DNAJC7: variants seen among roughly 807,000 people sequenced by gnomAD.
DNAJC7 encodes the protein dnaJ homolog subfamily C member 7.
In DNAJC7, 18 loss-of-function variants were observed where a neutral mutation model predicts 67.4. That is an observed-to-expected ratio of 0.27 (90% CI 0.18 to 0.40). The LOEUF is 0.40. Ranked by LOEUF, DNAJC7 falls within the 10% of genes least tolerant of loss-of-function variation. DNAJC7 has a pLI of 1.00. For synonymous variants in DNAJC7, 220 were observed against 207.8 expected, an observed-to-expected ratio of 1.06 and a Z score of -0.50; for missense variants, 419 against 613.8, an observed-to-expected ratio of 0.68 and a Z score of 3.35.
chr17:42,012,037 A>G (rs78463825), intron 1 of DNAJC7, among the ~76,000 whole-genome samples: 1,583 of 152,376 alleles, frequency 0.01, 10 homozygotes, highest in Non-Finnish European at 0.016. Flanking sequence ...ATTTGTGCCC[A>G]TCAGGAAAAC....
rs57155070 is a variant in DNAJC7 at position 42,006,796 on chromosome 17, CA to C, written c.78-6227del. Among the ~76,000 whole-genome samples, 37 of 23,330 alleles carry C rather than the reference CA, an allele frequency of 1.6e-3. 1 individual carries two copies. The highest frequency in any genetic ancestry group is 6.3e-3 in the African/African-American group (30 of 4,790). 15.3% of individuals were successfully genotyped at this position (23,330 alleles called of 152,430 possible). A position where few individuals can be genotyped will look rare whatever the true frequency, so the allele number is the denominator to read the frequency against. Reference sequence around the variant, plus strand: ...TGGGCAACAGAGCAAGACTCCGTCTCAAAAAAAAAAAAAAAAAAAAAAGTCC... The same window carrying C: ...TGGGCAACAGAGCAAGACTCCGTCTCAAAAAAAAAAAAAAAAAAAAAGTCC... On this transcript the variant is annotated intron_variant, in intron 1 of 13. Coordinates refer to ENST00000457167, the MANE Select transcript of DNAJC7 (RefSeq NM_003315.4).
intron 10 of DNAJC7, 68 bp downstream of exon 10, chr17:41,983,495 C>A: frequency 7.3e-7 from 1 of 1,377,454 alleles, no homozygotes; most frequent in Middle Eastern, 2.0e-4. Flanking sequence ...ATCAAACTAC[C>A]TTGTGTACAG....
intron 1 of DNAJC7, among the ~76,000 whole-genome samples, chr17:42,007,043 G>A (rs56076813): frequency 6.0e-4 from 90 of 151,040 alleles, no homozygotes; most frequent in African/African-American, 2.1e-3. Flanking sequence ...TGGAGCTTGC[G>A]GTGAGCTGAC....
intron 1 of DNAJC7, among the ~76,000 whole-genome samples, chr17:42,001,710 G>C (rs1480532635): frequency 1.3e-5 from 2 of 152,188 alleles, no homozygotes; most frequent in African/African-American, 4.8e-5. Context: ...CCTTGGTGAT[G>C]GTACAGCAAT....
At chr17:41,998,918 G>A in intron 2 of DNAJC7, among the ~76,000 whole-genome samples, 1 of 152,084 alleles carries the variant, frequency 6.6e-6, no homozygotes, top group Non-Finnish European at 1.5e-5. Context: ...GGGGATGGTG[G>A]CACATCCCTG....
chr17:41,989,296 G>T, intron 7 of DNAJC7, 108 bp downstream of exon 7: 1 of 1,422,912 alleles, frequency 7.0e-7, no homozygotes, highest in Non-Finnish European at 9.5e-7. Flanking sequence ...TGCAAAGCAG[G>T]AGGAAAAGCT....
intron 1 of DNAJC7, among the ~76,000 whole-genome samples, chr17:42,004,369 A>G (rs183276514): frequency 3.9e-5 from 6 of 152,292 alleles, no homozygotes; most frequent in South Asian, 2.1e-4. Flanking sequence ...CCTAAGTCCT[A>G]GAAGTTTATG....
intron 1 of DNAJC7, among the ~76,000 whole-genome samples, chr17:42,008,320 A>G (rs1409224867): frequency 3.3e-5 from 5 of 151,778 alleles, no homozygotes; most frequent in Non-Finnish European, 7.4e-5. Flanking sequence ...AAAAAAGAAA[A>G]AAAAAAAAAT....
At chr17:42,005,759 G>A (rs1241766651) in intron 1 of DNAJC7, among the ~76,000 whole-genome samples, 1 of 150,774 alleles carries the variant, frequency 6.6e-6, no homozygotes, top group Non-Finnish European at 1.5e-5. Context: ...CTTTTTTTTT[G>A]AGACGAAGTC....
Position 41,996,343 on chromosome 17 carries a change from G to A in DNAJC7, c.373C>T (p.Leu125=). ...ACRSFQRALE[L]DHKNAQAQQE... The stretch of plus-strand genomic sequence containing the variant: ...TGTGCCTGAGCATTTTTATGATCCA[G>A]TTCTAGGGCTCTCTGGAAGCTGCGA... The change falls in exon 4 of 14, where the codon CTG becomes TTG. Residue 125 remains leucine, a synonymous_variant. Transcript: ENST00000457167. 6.2e-7 allele frequency: 1 copy of A among 1,613,956 alleles called. No homozygotes were observed. Among genetic ancestry groups the A allele is most frequent in the Non-Finnish European group, 8.5e-7 (1 of 1,179,902 alleles).
chr17:42,010,314 T>A (rs2143341537), intron 1 of DNAJC7, among the ~76,000 whole-genome samples: 1 of 107,992 alleles, frequency 9.3e-6, no homozygotes, highest in South Asian at 3.6e-4. Flanking sequence ...AGAAACCCTG[T>A]CTCTACAAAA....
At chr17:41,977,136 C>T in intron 13 of DNAJC7, 125 bp downstream of exon 13, 1 of 963,090 alleles carries the variant, frequency 1.0e-6, no homozygotes, top group East Asian at 2.6e-5. Context: ...GGATAGATGC[C>T]CTGCTAGATG....
chr17:41,998,003 C>T (rs1019291252), intron 2 of DNAJC7, among the ~76,000 whole-genome samples: 2 of 152,188 alleles, frequency 1.3e-5, no homozygotes, highest in African/African-American at 4.8e-5. Flanking sequence ...GCTGGGACCA[C>T]AGGCACACGC....
At chr17:42,009,276 C>G (rs1295519667) in intron 1 of DNAJC7, among the ~76,000 whole-genome samples, 1 of 152,148 alleles carries the variant, frequency 6.6e-6, no homozygotes, top group African/African-American at 2.4e-5. Flanking sequence ...AAATTGTCCT[C>G]TGGGTGGACA....
At chr17:41,976,899 A>C (rs2051096919) in intron 13 of DNAJC7, 129 bp from the exon 14 acceptor site, 2 of 1,204,592 alleles carry the variant, frequency 1.7e-6, no homozygotes, top group Admixed American at 2.7e-5. Flanking sequence ...ATGGGTATCA[A>C]ACAGCTCAGG....
chr17:41,990,792 G>A (rs2051494458), intron 5 of DNAJC7, among the ~76,000 whole-genome samples: 2 of 151,292 alleles, frequency 1.3e-5, no homozygotes, highest in Non-Finnish European at 2.9e-5. Flanking sequence ...TCAGCCTCCC[G>A]AGTAGCTGGG....
At chr17:42,005,198 C>A (rs1414994636) in intron 1 of DNAJC7, among the ~76,000 whole-genome samples, 1 of 152,188 alleles carries the variant, frequency 6.6e-6, no homozygotes, top group African/African-American at 2.4e-5. Context: ...CTAAGGGAAT[C>A]ATTTGGTATC....
intron 1 of DNAJC7, among the ~76,000 whole-genome samples, chr17:42,002,907 TC>T (rs1422302310): frequency 6.6e-6 from 1 of 152,196 alleles, no homozygotes; most frequent in Non-Finnish European, 1.5e-5. Flanking sequence ...TAAATGACAT[TC>T]CTAACAATTA....
At chr17:41,997,846 G>A (rs577440205) in intron 2 of DNAJC7, among the ~76,000 whole-genome samples, 5 of 151,924 alleles carry the variant, frequency 3.3e-5, no homozygotes, top group Admixed American at 6.6e-5. Context: ...GTGCCACCAC[G>A]CCTGGCTAAT....
Sources: allele counts gnomAD v4.1 joint callset (sites outside exome capture counted in the v4.1 genomes callset), GRCh38; gene constraint gnomAD v4.1.1; transcripts MANE v1.5; gene names NCBI Gene and HGNC (gene_info 2026-07-23, HGNC 2026-07-21).